Variants in GEN1 observed in about 807,000 individuals in gnomAD.
GEN1 encodes flap endonuclease GEN homolog 1.
Under a neutral mutation model 67.6 loss-of-function variants are expected in GEN1, and 64 were observed. The observed-to-expected ratio is 0.95, with a 90% CI of 0.77 to 1.17. The LOEUF is 1.17. Among genes scored for constraint, GEN1 ranks in the 50% most tolerant of loss-of-function variants. GEN1 has a pLI of 0.00. For synonymous variants in GEN1, 371 were observed against 359.4 expected (o/e 1.03, Z -0.37); for missense variants, 1,058 against 1,048.3 (o/e 1.01, Z -0.13).
rs1377733711 is a variant in GEN1 at position 17,780,398 on chromosome 2, T to C, written c.1409-223T>C. Among the ~76,000 whole-genome samples, 31 of 152,220 alleles carry C rather than the reference T, an allele frequency of 2.0e-4. 2 individuals carry two copies. Among genetic ancestry groups the C allele is most frequent in the Non-Finnish European group, 2.9e-5 (2 of 68,036 alleles). ...AGCTACTGTTTATAGCATATTCGGATTTTAAATGTTTTCTTTATTTCCCAG... is the reference window on the plus strand; with the variant it reads ...AGCTACTGTTTATAGCATATTCGGACTTTAAATGTTTTCTTTATTTCCCAG... On this transcript the variant is annotated intron_variant, in intron 13 of 13. Coordinates refer to ENST00000381254, the MANE Select transcript of GEN1 (RefSeq NM_001130009.3).
At chr2:17,779,930 T>G (rs1401294218) in intron 12 of GEN1, 48 bp from the exon 13 acceptor site, 1 of 1,517,740 alleles carries the variant, frequency 6.6e-7, no homozygotes, top group Non-Finnish European at 9.0e-7. Context: ...GATTGAATTT[T>G]TTTAAATGCC....
Position 17,786,475 on chromosome 2 carries a change from C to T in GEN1, c.*4536C>T, listed in dbSNP as rs1359756088. 6.6e-6 allele frequency: 1 copy of T among 152,180 alleles called. No homozygotes were observed. The highest frequency in any genetic ancestry group is 6.5e-5 in the Admixed American group (1 of 15,278). The allele number at this position is 152,180 out of a possible 1,614,324, so 9.4% of individuals were successfully genotyped here. A position where few individuals can be genotyped will look rare whatever the true frequency, so the allele number is the denominator to read the frequency against. ...TGGTAACTAATATTCATCTAATCAC[C>T]TACCACATTTTTGGAGCACCCACTT... On this transcript the variant is annotated 3_prime_UTR_variant, in exon 14 of 14. Transcript: ENST00000381254.
rs549739017 is a variant in GEN1, at chr2:17,773,774, A to T, written c.1071+475A>T. On this transcript the variant is annotated intron_variant, in intron 10 of 13. Coordinates refer to ENST00000381254, the MANE Select transcript of GEN1 (RefSeq NM_001130009.3). Reference sequence around the variant, plus strand: ...CCATGAGGATTAAATGAGATTATTTATATTAACTCCTAATATAGTGGCTAG... The same window carrying T: ...CCATGAGGATTAAATGAGATTATTTTTATTAACTCCTAATATAGTGGCTAG... Among the ~76,000 whole-genome samples the T allele has an allele frequency of 8.3e-4, 126 of 152,256 alleles. 2 individuals are homozygous for T. Among genetic ancestry groups the T allele is most frequent in the African/African-American group, 2.9e-3 (122 of 41,572 alleles).
intron 5 of GEN1, 57 bp downstream of exon 5, chr2:17,766,746 G>A: frequency 1.1e-6 from 1 of 923,284 alleles, no homozygotes; most frequent in Admixed American, 1.8e-5. Flanking sequence ...CGTACTTTAT[G>A]TGCTGTATAA....
chr2:17,778,423 CAT>C (rs1672653752), intron 12 of GEN1, among the ~76,000 whole-genome samples: 1 of 92,954 alleles, frequency 1.1e-5, no homozygotes, highest in African/African-American at 4.0e-5. Flanking sequence ...TATGTGTGTA[CAT>C]ATATGTATAT....
intron 10 of GEN1, 27 bp from the exon 11 acceptor site, chr2:17,774,244 C>A: frequency 2.2e-6 from 3 of 1,335,816 alleles, no homozygotes; most frequent in Admixed American, 4.7e-5. Context: ...ATAACAAAAT[C>A]TTGTTTTATT....
rs76591166 is a variant in GEN1 at position 17,784,698 on chromosome 2, A to G, written c.*2759A>G. 1 of 152,192 alleles carries G rather than the reference A, an allele frequency of 6.6e-6. No homozygotes were observed. Among genetic ancestry groups the G allele is most frequent in the Non-Finnish European group, 1.5e-5 (1 of 68,038 alleles). 9.4% of individuals were successfully genotyped at this position (152,192 alleles called of 1,614,324 possible). A position where few individuals can be genotyped will look rare whatever the true frequency, so the allele number is the denominator to read the frequency against. ...TGCAATGTTTTGAATATTCAGAGAG[A>G]AAAAAGTCGTTGCTAAAACATTTTC... is the stretch of plus-strand genomic sequence containing the variant. On this transcript the variant is annotated 3_prime_UTR_variant, in exon 14 of 14. Transcript: ENST00000381254.
intron 7 of GEN1, among the ~76,000 whole-genome samples, chr2:17,772,059 C>T (rs1284603038): frequency 6.6e-6 from 1 of 151,448 alleles, no homozygotes; most frequent in Non-Finnish European, 1.5e-5. Context: ...TACATATTCT[C>T]AAGACAATGT....
intron 5 of GEN1, among the ~76,000 whole-genome samples, chr2:17,768,386 T>C (rs969190140): frequency 2.6e-5 from 4 of 152,244 alleles, no homozygotes; most frequent in Admixed American, 2.0e-4. Context: ...AACATAAAGT[T>C]AGGTTAAATT....
At chr2:17,764,264 C>G (rs1317249103) in intron 3 of GEN1, among the ~76,000 whole-genome samples, 5 of 152,136 alleles carry the variant, frequency 3.3e-5, no homozygotes, top group Non-Finnish European at 4.4e-5. Flanking sequence ...GAAAAAAATG[C>G]AAACATTAAA....
chr2:17,768,493 A>C (rs1231028094), intron 5 of GEN1, among the ~76,000 whole-genome samples: 1 of 152,204 alleles, frequency 6.6e-6, no homozygotes, highest in Non-Finnish European at 1.5e-5. Flanking sequence ...TTTGGTATAT[A>C]ACTCGCTGAA....
At chr2:17,777,751 A>G (rs1672506940) in intron 11 of GEN1, among the ~76,000 whole-genome samples, 1 of 152,150 alleles carries the variant, frequency 6.6e-6, no homozygotes, top group Non-Finnish European at 1.5e-5. Flanking sequence ...TAAAACAAAA[A>G]TCATTATTGT....
Position 17,758,607 on chromosome 2 carries a change from C to T in GEN1, c.-15-1322C>T, listed in dbSNP as rs552873552. Reference sequence around the variant, plus strand: ...GGCCACTGTTACTACCAAATACTTTCTTTACCTTTAAGTCTGTATATTTTT... The same window carrying T: ...GGCCACTGTTACTACCAAATACTTTTTTTACCTTTAAGTCTGTATATTTTT... On this transcript the variant is annotated intron_variant, in intron 1 of 13. Transcript: ENST00000381254. Among the ~76,000 whole-genome samples, 31 of 152,202 alleles carry T rather than the reference C, an allele frequency of 2.0e-4. 1 individual carries two copies. Among genetic ancestry groups the T allele is most frequent in the Admixed American group, 1.5e-3 (23 of 15,296 alleles).
intron 1 of GEN1, among the ~76,000 whole-genome samples, chr2:17,756,043 T>A (rs79758018): frequency 1.3e-5 from 2 of 152,228 alleles, no homozygotes; most frequent in Non-Finnish European, 2.9e-5. Flanking sequence ...GATTTTTTTT[T>A]ATTCCATGCT....
Position 17,759,996 on chromosome 2 carries a change from C to T in GEN1, c.53C>T (p.Pro18Leu). The T allele has an allele frequency of 2.5e-6, 4 of 1,613,986 alleles. No individual in the cohort carries two copies. Residue 18 changes from proline (P) to leucine (L), a missense_variant, in exon 2 of 14, where the codon CCC becomes CTC. Physicochemically the swap from Pro to Leu is moderately conservative, Grantham distance 98. Coordinates refer to ENST00000381254, the MANE Select transcript of GEN1 (RefSeq NM_001130009.3). ...TTGGAGCCTGTTAAGCAACACATCC[C>T]CTTGCGTAATCTTGGTGGGAAAACC... ...QILEPVKQHI[P>L]LRNLGGKTIA...
chr2:17,760,002 G>A lies in GEN1; in HGVS notation c.59G>A (p.Arg20His), dbSNP rs375511356. Residue 20 changes from arginine (R) to histidine (H), a missense_variant, in exon 2 of 14, where the codon CGT becomes CAT. By Grantham distance (29) the Arg-to-His change is conservative (BLOSUM62 0). Coordinates refer to ENST00000381254, the MANE Select transcript of GEN1 (RefSeq NM_001130009.3). Reference protein sequence around the residue: ...LEPVKQHIPLRNLGGKTIAVD... With the variant: ...LEPVKQHIPLHNLGGKTIAVD... ...CCTGTTAAGCAACACATCCCCTTGC[G>A]TAATCTTGGTGGGAAAACCATTGCA... The A allele has an allele frequency of 3.3e-5, 53 of 1,613,926 alleles. No individual in the cohort carries two copies. The highest frequency in any genetic ancestry group is 6.7e-5 in the African/African-American group (5 of 74,870).
At chr2:17,772,350 TTGTAAA>T (rs1295411527) in intron 7 of GEN1, among the ~76,000 whole-genome samples, 3 of 152,074 alleles carry the variant, frequency 2.0e-5, no homozygotes, top group Non-Finnish European at 4.4e-5. Flanking sequence ...TTGTTGATTA[TTGTAAA>T]TGTATAATTT....
chr2:17,783,336 GGT>G lies in GEN1; in HGVS notation c.*1401_*1402del, dbSNP rs1672932679. On this transcript the variant is annotated 3_prime_UTR_variant, in exon 14 of 14. Coordinates refer to ENST00000381254, the MANE Select transcript of GEN1 (RefSeq NM_001130009.3). ...GGCCTCCCAGAGTGCTGGGATTACA[GGT>G]GTGAATCACCATACTCAGCCTCAAT... 6.6e-6 allele frequency: 1 copy of G among 152,216 alleles called. No individual in the cohort carries two copies. The highest frequency in any genetic ancestry group is 1.5e-5 in the Non-Finnish European group (1 of 68,062). The allele number at this position is 152,216 out of a possible 1,614,324, so 9.4% of individuals were successfully genotyped here.
chr2:17,773,123 A>G lies in GEN1; in HGVS notation c.981A>G (p.Pro327=), dbSNP rs1472153486. 1.9e-6 allele frequency: 3 copies of G among 1,585,664 alleles called. No homozygotes were observed. Among genetic ancestry groups the G allele is most frequent in the African/African-American group, 1.3e-5 (1 of 74,222 alleles). ...KKKACCCEGF[P]FHEVIQEFLL... is the part of the protein sequence containing the mutation. ...AAGCTTGCTGTTGTGAGGGATTCCC[A>G]TTCCATGAGGTAATATCCAGTAATT... The change falls in exon 9 of 14, where the codon CCA becomes CCG. Residue 327 remains proline (P), a synonymous_variant. Transcript: ENST00000381254.
Sources: allele counts gnomAD v4.1 joint callset (sites outside exome capture counted in the v4.1 genomes callset), GRCh38; gene constraint gnomAD v4.1.1; transcripts MANE v1.5; gene names NCBI Gene and HGNC (gene_info 2026-07-23, HGNC 2026-07-21).